Variants in SYNJ2 observed in about 807,000 individuals in gnomAD.
SYNJ2 encodes polyphosphatidylinositol phosphatase SYNJ2.
SYNJ2 carries 116 observed loss-of-function variants against 141.3 expected under a neutral mutation model. The ratio of observed to expected loss-of-function variants is 0.82; its 90% CI spans 0.71 to 0.96. The LOEUF (loss-of-function observed/expected upper bound fraction) is 0.96, where lower values mean the gene tolerates loss of function less well. SYNJ2 is among the 40% of genes least tolerant of loss of function. The pLI is 0.00. For synonymous variants in SYNJ2, 745 were observed against 777.7 expected (o/e 0.96, Z 0.70); for missense variants, 1,873 against 1,934.8 (o/e 0.97, Z 0.60).
At chr6:158,091,979 G>C (rs1170617785) in intron 25 of SYNJ2, among the ~76,000 whole-genome samples, 1 of 151,938 alleles carries the variant, frequency 6.6e-6, no homozygotes, top group African/African-American at 2.4e-5. Context: ...CTTCTTTTTT[G>C]TGTGATGAAA....
Position 158,096,557 on chromosome 6 carries a change from C to T in SYNJ2, c.*193C>T. 1 of 559,856 alleles carries T rather than the reference C, an allele frequency of 1.8e-6. No homozygotes were observed. Among genetic ancestry groups the T allele is most frequent in the Non-Finnish European group, 3.0e-6 (1 of 335,464 alleles). 34.7% of individuals were successfully genotyped at this position (559,856 alleles called of 1,614,324 possible). A position where few individuals can be genotyped will look rare whatever the true frequency, so the allele number is the denominator to read the frequency against. On this transcript the variant is annotated 3_prime_UTR_variant, in exon 27 of 27. Coordinates refer to ENST00000355585, the MANE Select transcript of SYNJ2 (RefSeq NM_003898.4). ...TACTCAGCCACCAAAATATATTTCACTCAAGGCTTGTACATCTGAAGTTTG... is the reference window on the plus strand; with the variant it reads ...TACTCAGCCACCAAAATATATTTCATTCAAGGCTTGTACATCTGAAGTTTG...
chr6:158,080,397 C>G (rs550312538), intron 18 of SYNJ2, among the ~76,000 whole-genome samples: 8 of 151,688 alleles, frequency 5.3e-5, no homozygotes, highest in African/African-American at 1.7e-4. Flanking sequence ...ATCACTTGAG[C>G]CCGGGAGGCG....
intron 5 of SYNJ2, among the ~76,000 whole-genome samples, chr6:158,046,011 C>T (rs971903289): frequency 2.6e-5 from 4 of 152,132 alleles, no homozygotes; most frequent in African/African-American, 7.2e-5. Context: ...GGCACGACCT[C>T]GGCTCACTGC....
At position 158,076,794 on chromosome 6, in the gene SYNJ2, G is replaced by A. The variant is rs561399130; in HGVS notation, c.2449+12G>A. ...CTTTGATAAAACAGGTGAGGGGGCC[G>A]TGCCCGTTCGAGAGTCGGCAGAGGG... On this transcript the variant is annotated intron_variant, in intron 17 of 26. Transcript: ENST00000355585. 29 of 1,600,506 alleles carry A rather than the reference G, an allele frequency of 1.8e-5. No homozygotes were observed. In the East Asian group the frequency reaches 2.9e-4, roughly 16 times the overall value.
At chr6:157,998,961 A>G (rs558901164) in intron 1 of SYNJ2, among the ~76,000 whole-genome samples, 8 of 152,316 alleles carry the variant, frequency 5.3e-5, no homozygotes, top group African/African-American at 7.2e-5. Flanking sequence ...GAAAACTCCA[A>G]TATATCAAAA....
At chr6:158,094,005 G>T (rs188000207) in intron 26 of SYNJ2, 1 of 764,922 alleles carries the variant, frequency 1.3e-6, no homozygotes, top group Non-Finnish European at 2.4e-6. Context: ...TGGATCTTCC[G>T]TTTGATCTCA....
intron 18 of SYNJ2, chr6:158,078,763 G>A (rs1782483646): frequency 6.7e-6 from 1 of 150,250 alleles, no homozygotes; most frequent in Admixed American, 6.6e-5. Flanking sequence ...AACACCATAG[G>A]GTTTTTAAAT....
intron 1 of SYNJ2, among the ~76,000 whole-genome samples, chr6:158,014,076 A>T (rs1255364283): frequency 6.6e-6 from 1 of 152,220 alleles, no homozygotes; most frequent in Admixed American, 6.5e-5. Context: ...TCAAATACCC[A>T]TGGGACCATT....
intron 2 of SYNJ2, chr6:158,017,497 C>G (rs1338230196): frequency 4.6e-6 from 3 of 648,978 alleles, no homozygotes; most frequent in South Asian, 4.1e-5. Context: ...TCACCACAAC[C>G]TCTGCCTCCT....
Position 158,017,267 on chromosome 6 carries a change from TG to T in SYNJ2, c.196del (p.Glu66SerfsTer2). 1 of 1,613,636 alleles carries T rather than the reference TG, an allele frequency of 6.2e-7. No individual in the cohort carries two copies. Among genetic ancestry groups the T allele is most frequent in the Non-Finnish European group, 8.5e-7 (1 of 1,179,880 alleles). On this transcript the variant is annotated frameshift_variant, in exon 2 of 27. Coordinates refer to ENST00000355585, the MANE Select transcript of SYNJ2 (RefSeq NM_003898.4). LOFTEE classifies it high-confidence loss of function. ...YGKLTDAYGC[L>X]GELRLKSGGT... is the part of the protein sequence containing the mutation. ...AAGCTCACGGACGCGTACGGCTGCCTGGGGGAGCTGAGGCTGAAATCTGGTG... is the reference window on the plus strand; with the variant it reads ...AAGCTCACGGACGCGTACGGCTGCCTGGGGAGCTGAGGCTGAAATCTGGTG...
At position 158,056,597 on chromosome 6, in the gene SYNJ2, G is replaced by T. The variant is rs142906032; in HGVS notation, c.857+1569G>T. 5.1e-3 allele frequency among the ~76,000 whole-genome samples: 773 copies of T among 152,288 alleles called. 5 individuals carry two copies. The highest frequency in any genetic ancestry group is 0.01 in the Admixed American group (157 of 15,306). Reference sequence around the variant, plus strand: ...GGAAATAAGGTGACATGTCTGCCTAGTGGCCGCAGTGGGGCACCATGAGGG... The same window carrying T: ...GGAAATAAGGTGACATGTCTGCCTATTGGCCGCAGTGGGGCACCATGAGGG... On this transcript the variant is annotated intron_variant, in intron 6 of 26. Transcript: ENST00000355585.
chr6:158,066,341 C>T, intron 11 of SYNJ2, 103 bp from the exon 12 acceptor site: 1 of 1,334,078 alleles, frequency 7.5e-7, no homozygotes, highest in Admixed American at 1.9e-5. Context: ...TCTCTAGAGG[C>T]TCATGAACCA....
chr6:158,095,643 A>G lies in SYNJ2; in HGVS notation c.3770A>G (p.Glu1257Gly). The G allele has an allele frequency of 2.5e-6, 4 of 1,607,738 alleles. No individual in the cohort carries two copies. Among genetic ancestry groups the G allele is most frequent in the Non-Finnish European group, 3.4e-6 (4 of 1,177,402 alleles). ...CCCCTGTCACCGGAAGAACAGTTTG[A>G]GCAACAGACTGTCCATTTTACAATC... ...GKPLSPEEQF[E>G]QQTVHFTIGP... Residue 1257 changes from glutamate to glycine, a missense_variant, in exon 27 of 27, where the codon GAG becomes GGG. Transcript: ENST00000355585.
chr6:158,032,178 G>A lies in SYNJ2; in HGVS notation c.486-1277G>A, dbSNP rs553166872. On this transcript the variant is annotated intron_variant, in intron 3 of 26. Transcript: ENST00000355585. ...TGTGCGACCTCAGACGGGGTCAGAC[G>A]CGGGCTGTGCTCCCTGTGGGGGTGC... Among the ~76,000 whole-genome samples the A allele has an allele frequency of 1.4e-4, 21 of 152,032 alleles. No homozygotes were observed. The South Asian group carries it at 4.4e-3, about 32-fold the overall frequency.
rs546881477 is a variant in SYNJ2, at chr6:158,043,001, G to A, written c.712-315G>A. Among the ~76,000 whole-genome samples, 3 of 152,304 alleles carry A rather than the reference G, an allele frequency of 2.0e-5. No homozygotes were observed. The highest frequency in any genetic ancestry group is 4.8e-5 in the African/African-American group (2 of 41,548). On this transcript the variant is annotated intron_variant, in intron 4 of 26. Coordinates refer to ENST00000355585, the MANE Select transcript of SYNJ2 (RefSeq NM_003898.4). This position sits in a 1 kb window ranked among gnomAD's most constrained non-coding sequence, Gnocchi z 4.0. Reference sequence around the variant, plus strand: ...GACTTCTATTCATACAGGGGGTGGCGGAAGGCTGTTCCTGGGATTTTCAGG... The same window carrying A: ...GACTTCTATTCATACAGGGGGTGGCAGAAGGCTGTTCCTGGGATTTTCAGG...
chr6:158,071,304 G>T lies in SYNJ2; in HGVS notation c.1941-298G>T, dbSNP rs1781907216. Among the ~76,000 whole-genome samples, 1 of 152,230 alleles carries T rather than the reference G, an allele frequency of 6.6e-6. No individual in the cohort carries two copies. Among genetic ancestry groups the T allele is most frequent in the South Asian group, 2.1e-4 (1 of 4,830 alleles). ...TGGTGATGTTTGCGCCGCTCCTGGT[G>T]GCAGTGAGAACCTGGGCGGATGCAG... On this transcript the variant is annotated intron_variant, in intron 14 of 26. Coordinates refer to ENST00000355585, the MANE Select transcript of SYNJ2 (RefSeq NM_003898.4). This position sits in a 1 kb window ranked among gnomAD's most constrained non-coding sequence, Gnocchi z 4.3.
chr6:158,000,281 A>G (rs987967594), intron 1 of SYNJ2, among the ~76,000 whole-genome samples: 11 of 152,106 alleles, frequency 7.2e-5, no homozygotes, highest in African/African-American at 1.4e-4. Flanking sequence ...AAGAGCAGAC[A>G]TGTATGGAGA....
At chr6:158,024,869 C>T (rs889171742) in intron 2 of SYNJ2, among the ~76,000 whole-genome samples, 1 of 152,148 alleles carries the variant, frequency 6.6e-6, no homozygotes, top group Non-Finnish European at 1.5e-5. Context: ...GTGTAGATTC[C>T]ATGGGATACT....
Position 158,037,395 on chromosome 6 carries a change from CTTTTTTTT to C in SYNJ2, c.711+3731_711+3738del, listed in dbSNP as rs869141011. Among the ~76,000 whole-genome samples the C allele has an allele frequency of 4.6e-5, 5 of 109,084 alleles. No homozygotes were observed. The East Asian group carries it at 1.0e-3, about 23-fold the overall frequency. The allele number at this position is 109,084 out of a possible 152,430, so 71.6% of individuals were successfully genotyped here. The stretch of plus-strand genomic sequence containing the variant: ...CCCACCCTACTCCAGTTGTCCTCAT[CTTTTTTTT>C]TTTTTTTTTTTTTTTGGAGACGGAG... On this transcript the variant is annotated intron_variant, in intron 4 of 26. Coordinates refer to ENST00000355585, the MANE Select transcript of SYNJ2 (RefSeq NM_003898.4).
Sources: allele counts gnomAD v4.1 joint callset (sites outside exome capture counted in the v4.1 genomes callset), GRCh38; gene constraint gnomAD v4.1.1; non-coding constraint Gnocchi (gnomAD v3.1); transcripts MANE v1.5; gene names NCBI Gene and HGNC (gene_info 2026-07-23, HGNC 2026-07-21).